The following PGGT1B variants were observed in gnomAD, a reference collection of about 807,000 sequenced individuals.
The protein encoded by PGGT1B is geranylgeranyl transferase type-1 subunit beta.
A neutral mutation model predicts 46.1 loss-of-function variants in PGGT1B; 30 were observed. The ratio of observed to expected loss-of-function variants is 0.65; its 90% CI spans 0.49 to 0.88. The LOEUF is 0.88. Ranked by LOEUF, PGGT1B falls within the 40% of genes least tolerant of loss-of-function variation. The probability of loss-of-function intolerance (pLI) is 0.00; values close to 1 mark genes in which losing one functional copy is unlikely to be tolerated. For synonymous variants in PGGT1B, 170 were observed against 160.0 expected (o/e 1.06, Z -0.47); for missense variants, 376 against 455.9 (o/e 0.82, Z 1.60).
chr5:115,253,279 C>T, intron 1 of PGGT1B, 24 bp from the exon 2 acceptor site: 2 of 1,558,444 alleles, frequency 1.3e-6, no homozygotes, highest in East Asian at 2.3e-5. Flanking sequence ...ATGTAAAATT[C>T]CATCTTAACT....
rs574975971 is a variant in PGGT1B, at chr5:115,224,989, A to T, written c.659-2981T>A. ...AAAATGGAATATCTTTTTGGGGCTG[A>T]ATGGGGTTAGATCAATGATGTGTAC... On this transcript the variant is annotated intron_variant, in intron 6 of 8. Coordinates refer to ENST00000419445, the MANE Select transcript of PGGT1B (RefSeq NM_005023.4). Among the ~76,000 whole-genome samples the T allele has an allele frequency of 2.0e-5, 3 of 152,206 alleles. No individual in the cohort carries two copies. The East Asian group carries it at 5.8e-4, about 29-fold the overall frequency.
chr5:115,246,936 A>T (rs1413373622), intron 2 of PGGT1B, among the ~76,000 whole-genome samples: 1 of 152,154 alleles, frequency 6.6e-6, no homozygotes, highest in East Asian at 1.9e-4. Context: ...AGGCAGCAAA[A>T]ATGGGAGTAT....
At chr5:115,233,818 C>T (rs1174286677) in intron 5 of PGGT1B, among the ~76,000 whole-genome samples, 3 of 151,816 alleles carry the variant, frequency 2.0e-5, no homozygotes, top group African/African-American at 4.8e-5. Context: ...TATGTGAAAA[C>T]AGGCACTCTC....
At chr5:115,250,618 T>G (rs1748052090) in intron 2 of PGGT1B, among the ~76,000 whole-genome samples, 1 of 152,046 alleles carries the variant, frequency 6.6e-6, no homozygotes, top group Non-Finnish European at 1.5e-5. Context: ...TCAAAAGGAG[T>G]GGTGAGCTGC....
At chr5:115,234,039 T>C (rs1757087775) in intron 5 of PGGT1B, among the ~76,000 whole-genome samples, 1 of 151,846 alleles carries the variant, frequency 6.6e-6, no homozygotes, top group South Asian at 2.1e-4. Flanking sequence ...GCTCTAAATG[T>C]AGAATAGCTG....
intron 6 of PGGT1B, among the ~76,000 whole-genome samples, chr5:115,226,657 A>G (rs1305297039): frequency 6.6e-6 from 1 of 152,098 alleles, no homozygotes; most frequent in East Asian, 1.9e-4. Flanking sequence ...CAAGCAAGAG[A>G]TGCAAAGTGG....
chr5:115,215,455 C>T (rs954849460), intron 8 of PGGT1B, among the ~76,000 whole-genome samples: 1 of 152,066 alleles, frequency 6.6e-6, no homozygotes, highest in Non-Finnish European at 1.5e-5. Flanking sequence ...CCCACCACCA[C>T]GCCTGGCTAA....
At position 115,205,705 on chromosome 5, in the gene PGGT1B, AC is replaced by A. The variant is rs1756043008; in HGVS notation, c.*6696del. 6.6e-6 allele frequency: 1 copy of A among 152,022 alleles called. No homozygotes were observed. The highest frequency in any genetic ancestry group is 1.5e-5 in the Non-Finnish European group (1 of 67,950). The allele number at this position is 152,022 out of a possible 1,614,324, so 9.4% of individuals were successfully genotyped here. A position where few individuals can be genotyped will look rare whatever the true frequency, so the allele number is the denominator to read the frequency against. On this transcript the variant is annotated 3_prime_UTR_variant, in exon 9 of 9. Transcript: ENST00000419445. ...CAAGTAGACAGTTTTACTATCAGAA[AC>A]CCATTTTCTGATCATATTTAAAATC... is the stretch of plus-strand genomic sequence containing the variant.
At chr5:115,251,222 G>A (rs771934930) in intron 2 of PGGT1B, among the ~76,000 whole-genome samples, 15 of 152,094 alleles carry the variant, frequency 9.9e-5, no homozygotes, top group Non-Finnish European at 1.9e-4. Context: ...AGCAGTGAAT[G>A]AGAGTTCCAG....
At chr5:115,249,230 T>C (rs992884157) in intron 2 of PGGT1B, among the ~76,000 whole-genome samples, 3 of 152,162 alleles carry the variant, frequency 2.0e-5, no homozygotes, top group East Asian at 1.9e-4. Flanking sequence ...CCTCTGTATA[T>C]GTTTTAAATT....
At chr5:115,241,728 A>T (rs1179709133) in intron 2 of PGGT1B, 122 bp from the exon 3 acceptor site, 1 of 600,388 alleles carries the variant, frequency 1.7e-6, no homozygotes, top group Non-Finnish European at 2.8e-6. Flanking sequence ...ATACTGGCTA[A>T]TGCTGAATGC....
At chr5:115,228,446 C>G (rs748163671) in intron 6 of PGGT1B, among the ~76,000 whole-genome samples, 2 of 151,884 alleles carry the variant, frequency 1.3e-5, no homozygotes, top group African/African-American at 2.4e-5. Flanking sequence ...AAAGATAAAT[C>G]TAGAAAGGGG....
chr5:115,261,831 C>A (rs1748567688), intron 1 of PGGT1B, among the ~76,000 whole-genome samples: 2 of 152,158 alleles, frequency 1.3e-5, no homozygotes, highest in Non-Finnish European at 2.9e-5. Context: ...TAACATATAG[C>A]ACAGAACTCT....
chr5:115,234,195 T>C (rs1757097082), intron 5 of PGGT1B, among the ~76,000 whole-genome samples: 1 of 120,940 alleles, frequency 8.3e-6, no homozygotes, highest in African/African-American at 3.6e-5. Context: ...GCTATATTGT[T>C]AAGTGAAAAA....
At chr5:115,256,329 G>T (rs1474493859) in intron 1 of PGGT1B, among the ~76,000 whole-genome samples, 3 of 152,152 alleles carry the variant, frequency 2.0e-5, no homozygotes, top group Non-Finnish European at 2.9e-5. Context: ...ACTCTTATCT[G>T]TATACGTTAT....
chr5:115,248,626 A>G (rs1051353454), intron 2 of PGGT1B, among the ~76,000 whole-genome samples: 2 of 152,222 alleles, frequency 1.3e-5, no homozygotes, highest in African/African-American at 4.8e-5. Context: ...TCCTGGAGTT[A>G]AGTGGAGGCC....
intron 6 of PGGT1B, among the ~76,000 whole-genome samples, chr5:115,226,543 T>A (rs1161082355): frequency 2.1e-5 from 3 of 144,986 alleles, no homozygotes; most frequent in Non-Finnish European, 4.5e-5. Flanking sequence ...TGAATTAAAA[T>A]ATATATATAT....
intron 2 of PGGT1B, among the ~76,000 whole-genome samples, chr5:115,245,720 T>G (rs1046371989): frequency 3.3e-5 from 5 of 152,178 alleles, no homozygotes; most frequent in African/African-American, 1.2e-4. Context: ...AGTAAAAATG[T>G]TTTTCTTTTT....
intron 1 of PGGT1B, among the ~76,000 whole-genome samples, chr5:115,258,007 T>G (rs950614207): frequency 6.6e-6 from 1 of 152,248 alleles, no homozygotes; most frequent in African/African-American, 2.4e-5. Flanking sequence ...TAATTATTTT[T>G]CAATGGCTGA....
Sources: gnomAD v4.1 joint callset for allele counts (sites outside exome capture counted in the v4.1 genomes callset) on GRCh38, gnomAD v4.1.1 for gene constraint, MANE v1.5 for transcripts, NCBI Gene and HGNC (gene_info 2026-07-23, HGNC 2026-07-21) for gene names.